Variants in EPS8 observed in about 807,000 individuals in gnomAD.
EPS8 encodes the protein EGFR pathway substrate 8, signaling adaptor, also known as epidermal growth factor receptor kinase substrate 8.
In EPS8, 42 loss-of-function variants were observed where a neutral mutation model predicts 103.8. The observed-to-expected ratio is 0.40, with a 90% confidence interval of 0.32 to 0.52. The LOEUF (loss-of-function observed/expected upper bound fraction) is 0.52, where lower values mean the gene tolerates loss of function less well. Among genes scored for constraint, EPS8 ranks in the 20% least tolerant of loss-of-function variants. EPS8 has a pLI of 0.40. For synonymous variants in EPS8, 344 were observed against 344.6 expected, an observed-to-expected ratio of 1.00 and a Z score of 0.02; for missense variants, 969 against 1,005.1, an observed-to-expected ratio of 0.96 and a Z score of 0.49.
chr12:15,744,329 G>A (rs967115767), intron 1 of EPS8, among the ~76,000 whole-genome samples: 22 of 152,308 alleles, frequency 1.4e-4, no homozygotes, highest in African/African-American at 4.1e-4. Context: ...ATGTGATAGC[G>A]TCTTCCTCTG....
chr12:15,758,352 C>A (rs1428437507), intron 1 of EPS8, among the ~76,000 whole-genome samples: 1 of 152,162 alleles, frequency 6.6e-6, no homozygotes, highest in Non-Finnish European at 1.5e-5. Flanking sequence ...GAACATTCAA[C>A]AAGACAACTG....
Position 15,721,629 on chromosome 12 carries a change from T to C in EPS8, c.-21-38657A>G, listed in dbSNP as rs1591895273. On this transcript the variant is annotated intron_variant, in intron 1 of 20. Coordinates refer to ENST00000281172, the MANE Select transcript of EPS8 (RefSeq NM_004447.6). The surrounding 1 kb of genome is among the most constrained non-coding windows in gnomAD (Gnocchi z 4.4). ...TTGGAATAGTACATTTTATCCTCCA[T>C]TTCTTGTGAAAGACAACAATCTTGT... is the stretch of plus-strand genomic sequence containing the variant. Among the ~76,000 whole-genome samples the C allele has an allele frequency of 6.6e-6, 1 of 152,162 alleles. No individual in the cohort carries two copies. Among genetic ancestry groups the C allele is most frequent in the Non-Finnish European group, 1.5e-5 (1 of 68,022 alleles).
intron 1 of EPS8, among the ~76,000 whole-genome samples, chr12:15,707,652 G>A (rs144129395): frequency 3.9e-4 from 60 of 151,928 alleles, no homozygotes; most frequent in Middle Eastern, 3.4e-3. Flanking sequence ...ATTTCTGAGC[G>A]TATTACTACT....
rs1215556860 is a variant in EPS8 at position 15,690,438 on chromosome 12, C to T, written c.-21-7466G>A. ...ACATACTTACACTACCCCCAAACTA[C>T]TTCTCATATATTTTATTGATAGTCA... On this transcript the variant is annotated intron_variant, in intron 1 of 20. Coordinates refer to ENST00000281172, the MANE Select transcript of EPS8 (RefSeq NM_004447.6). This position sits in a 1 kb window ranked among gnomAD's most constrained non-coding sequence, Gnocchi z 4.7. Among the ~76,000 whole-genome samples, 1 of 152,010 alleles carries T rather than the reference C, an allele frequency of 6.6e-6. No homozygotes were observed. The highest frequency in any genetic ancestry group is 1.5e-5 in the Non-Finnish European group (1 of 67,996).
At position 15,760,060 on chromosome 12, in the gene EPS8, T is replaced by C. The variant is rs1947025365; in HGVS notation, c.-22+29101A>G. Reference sequence around the variant, plus strand: ...TAAATAAACAAAATTGATGAACCTTTAGCCATACTAAGAAAGAAAGAAAGA... The same window carrying C: ...TAAATAAACAAAATTGATGAACCTTCAGCCATACTAAGAAAGAAAGAAAGA... On this transcript the variant is annotated intron_variant, in intron 1 of 20. Transcript: ENST00000281172. The surrounding 1 kb of genome is among the most constrained non-coding windows in gnomAD (Gnocchi z 4.5). 6.6e-6 allele frequency among the ~76,000 whole-genome samples: 1 copy of C among 151,864 alleles called. No homozygotes were observed. The highest frequency in any genetic ancestry group is 2.4e-5 in the African/African-American group (1 of 41,400).
At chr12:15,729,427 T>A (rs111951288) in intron 1 of EPS8, among the ~76,000 whole-genome samples, 8 of 152,320 alleles carry the variant, frequency 5.3e-5, no homozygotes, top group Non-Finnish European at 1.2e-4. Flanking sequence ...TCACAATTCT[T>A]AAATATTCTG....
chr12:15,682,666 T>C (rs1946027786), intron 2 of EPS8, among the ~76,000 whole-genome samples: 1 of 152,192 alleles, frequency 6.6e-6, no homozygotes, highest in African/African-American at 2.4e-5. Flanking sequence ...ATCTTCCAAG[T>C]GTGAGATCAA....
At chr12:15,746,691 T>C (rs922185671) in intron 1 of EPS8, among the ~76,000 whole-genome samples, 4 of 152,146 alleles carry the variant, frequency 2.6e-5, no homozygotes, top group Non-Finnish European at 4.4e-5. Context: ...ACTCAGTAAT[T>C]TGAGCAACTC....
intron 8 of EPS8, among the ~76,000 whole-genome samples, chr12:15,664,346 A>G (rs2135828557): frequency 6.6e-6 from 1 of 152,224 alleles, no homozygotes; most frequent in East Asian, 1.9e-4. Flanking sequence ...CTCGGCTTAC[A>G]TTTCAACCTC....
chr12:15,724,560 A>G (rs922470383), intron 1 of EPS8, among the ~76,000 whole-genome samples: 4 of 152,150 alleles, frequency 2.6e-5, no homozygotes, highest in Admixed American at 6.5e-5. Flanking sequence ...AAACTTTTCA[A>G]TCTCTGATAT....
rs1041307672 is a variant in EPS8 at position 15,736,353 on chromosome 12, G to A, written c.-22+52808C>T. Among the ~76,000 whole-genome samples the A allele has an allele frequency of 1.4e-4, 22 of 152,240 alleles. No individual in the cohort carries two copies. Among genetic ancestry groups the A allele is most frequent in the African/African-American group, 2.4e-4 (10 of 41,530 alleles). On this transcript the variant is annotated intron_variant, in intron 1 of 20. Transcript: ENST00000281172. The surrounding 1 kb of genome is among the most constrained non-coding windows in gnomAD (Gnocchi z 4.2). ...TTCCAACGCCATAAGTTAACACTACGGAAATACTGAAGAGAATTTCATTCT... is the reference window on the plus strand; with the variant it reads ...TTCCAACGCCATAAGTTAACACTACAGAAATACTGAAGAGAATTTCATTCT...
intron 1 of EPS8, among the ~76,000 whole-genome samples, chr12:15,750,397 T>G (rs1198794388): frequency 6.6e-6 from 1 of 152,146 alleles, no homozygotes; most frequent in Non-Finnish European, 1.5e-5. Context: ...AGAAATTCCT[T>G]TACATATGTC....
In EPS8 at chr12:15,634,726, G is replaced by A. The variant is rs144425265; in HGVS notation, c.1822-3062C>T. On this transcript the variant is annotated intron_variant, in intron 17 of 20. Transcript: ENST00000281172. ...TTAAAAAGAAGTGCCATGAGGGAAC[G>A]AATGTGGGTTACCTCTGACAGCTCG... 249 of 398,840 alleles carry A rather than the reference G, an allele frequency of 6.2e-4. 1 individual carries two copies. The highest frequency in any genetic ancestry group is 4.7e-3 in the African/African-American group (230 of 48,734). 24.7% of individuals were successfully genotyped at this position (398,840 alleles called of 1,614,324 possible).
chr12:15,627,759 A>G (rs1944973289), intron 18 of EPS8, among the ~76,000 whole-genome samples: 1 of 152,234 alleles, frequency 6.6e-6, no homozygotes, highest in African/African-American at 2.4e-5. Flanking sequence ...GAAAGGCATA[A>G]AAGTACAGGA....
intron 1 of EPS8, among the ~76,000 whole-genome samples, chr12:15,710,508 A>T (rs1946447781): frequency 6.6e-6 from 1 of 152,220 alleles, no homozygotes; most frequent in Non-Finnish European, 1.5e-5. Context: ...ATATTTCACA[A>T]ATTGCTTTTG....
chr12:15,660,501 T>A (rs1591829081), intron 10 of EPS8, 113 bp downstream of exon 10: 1 of 708,830 alleles, frequency 1.4e-6, no homozygotes, highest in East Asian at 2.7e-5. Flanking sequence ...TGACCTTAGA[T>A]GATACACCCG....
chr12:15,751,810 T>C lies in EPS8; in HGVS notation c.-22+37351A>G, dbSNP rs1228145393. Among the ~76,000 whole-genome samples the C allele has an allele frequency of 1.3e-5, 2 of 152,028 alleles. No individual in the cohort carries two copies. Among genetic ancestry groups the C allele is most frequent in the Non-Finnish European group, 2.9e-5 (2 of 68,020 alleles). On this transcript the variant is annotated intron_variant, in intron 1 of 20. Coordinates refer to ENST00000281172, the MANE Select transcript of EPS8 (RefSeq NM_004447.6). The surrounding 1 kb of genome is among the most constrained non-coding windows in gnomAD (Gnocchi z 4.3). ...TACTTACACCATAGCTCAGACAACATGTTAGACGTTAACTAGACTTCTGAT... is the reference window on the plus strand; with the variant it reads ...TACTTACACCATAGCTCAGACAACACGTTAGACGTTAACTAGACTTCTGAT...
rs142954573 is a variant in EPS8 at position 15,724,119 on chromosome 12, A to G, written c.-21-41147T>C. Among the ~76,000 whole-genome samples, 48 of 152,282 alleles carry G rather than the reference A, an allele frequency of 3.2e-4. No individual in the cohort carries two copies. In the East Asian group the frequency reaches 6.0e-3, roughly 19 times the overall value. Reference sequence around the variant, plus strand: ...ATCCTAAGGTTTATGAACTTTCAGAATTTGATGTCAATATTCAATCCTCAT... The same window carrying G: ...ATCCTAAGGTTTATGAACTTTCAGAGTTTGATGTCAATATTCAATCCTCAT... On this transcript the variant is annotated intron_variant, in intron 1 of 20. Coordinates refer to ENST00000281172, the MANE Select transcript of EPS8 (RefSeq NM_004447.6).
rs1004582495 is a variant in EPS8, at chr12:15,757,636, AAAAAAGAAAAAG to A, written c.-22+31513_-22+31524del. 2.0e-5 allele frequency among the ~76,000 whole-genome samples: 3 copies of A among 152,060 alleles called. No individual in the cohort carries two copies. Among genetic ancestry groups the A allele is most frequent in the East Asian group, 1.9e-4 (1 of 5,176 alleles). Reference sequence around the variant, plus strand: ...AGAGCGAGACTCCGTCTGAAGAAAAAAAAAAGAAAAAGAAAAAGAAAAAGATGAAGTGGCCAC... The same window carrying A: ...AGAGCGAGACTCCGTCTGAAGAAAAAAAAAAGAAAAAGATGAAGTGGCCAC... On this transcript the variant is annotated intron_variant, in intron 1 of 20. Coordinates refer to ENST00000281172, the MANE Select transcript of EPS8 (RefSeq NM_004447.6). The surrounding 1 kb of genome is among the most constrained non-coding windows in gnomAD (Gnocchi z 4.1).
Sources: allele counts gnomAD v4.1 joint callset (sites outside exome capture counted in the v4.1 genomes callset), GRCh38; gene constraint gnomAD v4.1.1; non-coding constraint Gnocchi (gnomAD v3.1); transcripts MANE v1.5; gene names NCBI Gene and HGNC (gene_info 2026-07-23, HGNC 2026-07-21).